The following ERC2 variants were observed in gnomAD, a reference collection of about 807,000 sequenced individuals.
ERC2 encodes ELKS/RAB6-interacting/CAST family member 2, also known as ERC protein 2.
A neutral mutation model predicts 114.8 loss-of-function variants in ERC2; 42 were observed. The ratio of observed to expected loss-of-function variants is 0.37; its 90% CI spans 0.29 to 0.47. The LOEUF (loss-of-function observed/expected upper bound fraction) is 0.47. ERC2 is among the 20% of genes least tolerant of loss of function. ERC2 has a pLI of 0.99. For missense variants in ERC2, 939 were observed against 1,150.7 expected, an observed-to-expected ratio of 0.82 and a Z score of 2.66; for synonymous variants, 454 against 425.5, an observed-to-expected ratio of 1.07 and a Z score of -0.82.
At chr3:55,752,273 T>A (rs1434972095) in intron 14 of ERC2, among the ~76,000 whole-genome samples, 2 of 152,150 alleles carry the variant, frequency 1.3e-5, no homozygotes, top group Non-Finnish European at 2.9e-5. Flanking sequence ...TCTCTAATGA[T>A]CTTACAGCTA....
intron 16 of ERC2, among the ~76,000 whole-genome samples, chr3:55,692,631 T>C (rs1033885329): frequency 2.6e-5 from 4 of 152,208 alleles, no homozygotes; most frequent in African/African-American, 9.6e-5. Context: ...CTCTACCTTA[T>C]GGCTCTTTTG....
At chr3:56,266,216 C>T (rs1259544090) in intron 3 of ERC2, among the ~76,000 whole-genome samples, 12 of 147,548 alleles carry the variant, frequency 8.1e-5, no homozygotes, top group African/African-American at 1.2e-4. Context: ...CTGCAAGCTC[C>T]GCCTCCCAAG....
intron 14 of ERC2, among the ~76,000 whole-genome samples, chr3:55,829,805 A>C (rs1345314043): frequency 6.6e-6 from 1 of 152,192 alleles, no homozygotes; most frequent in African/African-American, 2.4e-5. Flanking sequence ...GATTACAGGT[A>C]TAATACACCA....
rs192975380 is a variant in ERC2 at position 56,130,866 on chromosome 3, C to T, written c.1473+8643G>A. ...ATGTGGCCCCTATAGACAATTCCTT[C>T]ATTTGCTAGATACAGGGACATTTTC... On this transcript the variant is annotated intron_variant, in intron 6 of 17. Coordinates refer to ENST00000288221, the MANE Select transcript of ERC2 (RefSeq NM_015576.3). 3.3e-5 allele frequency among the ~76,000 whole-genome samples: 5 copies of T among 152,290 alleles called. No individual in the cohort carries two copies. The East Asian group carries it at 9.7e-4, about 29-fold the overall frequency.
At chr3:55,902,780 C>G (rs1261798703) in intron 13 of ERC2, among the ~76,000 whole-genome samples, 1 of 152,154 alleles carries the variant, frequency 6.6e-6, no homozygotes, top group Admixed American at 6.5e-5. Context: ...CTCCTAGGAC[C>G]AGTTACTCTG....
chr3:56,181,488 A>T lies in ERC2; in HGVS notation c.1075-7968T>A, dbSNP rs1407789816. On this transcript the variant is annotated intron_variant, in intron 3 of 17. Coordinates refer to ENST00000288221, the MANE Select transcript of ERC2 (RefSeq NM_015576.3). ...TGGCCCTGCAAAGCTGAAAATAGTT[A>T]CGATCTGGCCCTTTATAGAAAAGTT... Among the ~76,000 whole-genome samples, 5 of 152,222 alleles carry T rather than the reference A, an allele frequency of 3.3e-5. No individual in the cohort carries two copies. The East Asian group carries it at 9.6e-4, about 29-fold the overall frequency.
intron 17 of ERC2, among the ~76,000 whole-genome samples, chr3:55,611,411 A>G (rs2058903270): frequency 6.6e-6 from 1 of 152,220 alleles, no homozygotes; most frequent in Non-Finnish European, 1.5e-5. Context: ...AGGCACAGAC[A>G]TCTGTGCACC....
intron 17 of ERC2, among the ~76,000 whole-genome samples, chr3:55,604,873 C>T (rs754933258): frequency 2.0e-5 from 3 of 152,162 alleles, no homozygotes; most frequent in Non-Finnish European, 4.4e-5. Flanking sequence ...ACCAGTGGCT[C>T]TCAAACTTTC....
chr3:56,255,868 C>T (rs1189745734), intron 3 of ERC2, among the ~76,000 whole-genome samples: 1 of 152,192 alleles, frequency 6.6e-6, no homozygotes, highest in Non-Finnish European at 1.5e-5. Flanking sequence ...ATGTCGTTGC[C>T]TAGGAGCTAA....
chr3:56,439,457 G>C (rs1375510506), intron 1 of ERC2, among the ~76,000 whole-genome samples: 1 of 151,956 alleles, frequency 6.6e-6, no homozygotes, highest in Non-Finnish European at 1.5e-5. Flanking sequence ...CTTTAAAAAA[G>C]CAAAAAACAC....
chr3:56,086,987 C>A (rs2077537817), intron 6 of ERC2, among the ~76,000 whole-genome samples: 1 of 152,236 alleles, frequency 6.6e-6, no homozygotes, highest in Non-Finnish European at 1.5e-5. Context: ...CTTGGCAAAG[C>A]AAAGAGCACC....
intron 14 of ERC2, among the ~76,000 whole-genome samples, chr3:55,740,026 T>C (rs1056741196): frequency 1.3e-5 from 2 of 152,204 alleles, no homozygotes; most frequent in African/African-American, 4.8e-5. Flanking sequence ...CCTTTCCCCA[T>C]TGCTTGTTTT....
Position 56,435,124 on chromosome 3 carries a change from C to T in ERC2, c.-117G>A. 1 of 702,122 alleles carries T rather than the reference C, an allele frequency of 1.4e-6. No individual in the cohort carries two copies. Among genetic ancestry groups the T allele is most frequent in the South Asian group, 2.0e-5 (1 of 49,402 alleles). The allele number at this position is 702,122 out of a possible 1,614,324, so 43.5% of individuals were successfully genotyped here. On this transcript the variant is annotated 5_prime_UTR_variant, in exon 2 of 18. Coordinates refer to ENST00000288221, the MANE Select transcript of ERC2 (RefSeq NM_015576.3). ...ACCGCATTCTTTTCACAGTCCGTACCAGAAAATAACTCCACTCAGAGATCT... is the reference window on the plus strand; with the variant it reads ...ACCGCATTCTTTTCACAGTCCGTACTAGAAAATAACTCCACTCAGAGATCT...
chr3:55,718,157 T>G (rs2064236254), intron 15 of ERC2, among the ~76,000 whole-genome samples: 1 of 152,190 alleles, frequency 6.6e-6, no homozygotes. Context: ...ATGATGGATT[T>G]GTCCAAGAGG....
intron 3 of ERC2, among the ~76,000 whole-genome samples, chr3:56,281,208 C>A (rs549643204): frequency 6.6e-6 from 1 of 151,910 alleles, no homozygotes; most frequent in African/African-American, 2.4e-5. Flanking sequence ...GAGGCCGAGG[C>A]GGGCGGATCA....
intron 14 of ERC2, among the ~76,000 whole-genome samples, chr3:55,785,912 C>T (rs1161802131): frequency 6.6e-6 from 1 of 152,194 alleles, no homozygotes; most frequent in African/African-American, 2.4e-5. Flanking sequence ...TCGGTGGTTA[C>T]AGGGACTTTG....
At chr3:56,043,071 G>A (rs2075279402) in intron 7 of ERC2, among the ~76,000 whole-genome samples, 1 of 152,214 alleles carries the variant, frequency 6.6e-6, no homozygotes, top group African/African-American at 2.4e-5. Context: ...GTATTGAGAG[G>A]ATGGCAGAGC....
At chr3:55,861,877 G>A (rs550948631) in intron 14 of ERC2, among the ~76,000 whole-genome samples, 5 of 152,254 alleles carry the variant, frequency 3.3e-5, no homozygotes, top group African/African-American at 9.6e-5. Flanking sequence ...TCTTTCATCA[G>A]GTTGTTCCAA....
chr3:55,517,446 C>CAAAAAA (rs11309251), intron 17 of ERC2, among the ~76,000 whole-genome samples: 23 of 90,130 alleles, frequency 2.6e-4, no homozygotes, highest in Admixed American at 7.8e-4. Flanking sequence ...GACTCCGTCT[C>CAAAAAA]AAAAAAAAAA....
Sources: gnomAD v4.1 joint callset for allele counts (sites outside exome capture counted in the v4.1 genomes callset) on GRCh38, gnomAD v4.1.1 for gene constraint, MANE v1.5 for transcripts, NCBI Gene and HGNC (gene_info 2026-07-23, HGNC 2026-07-21) for gene names.